The following PLAA variants were observed in gnomAD, a reference collection of about 807,000 sequenced individuals.
PLAA encodes phospholipase A2 activating protein, also known as phospholipase A-2-activating protein.
A neutral mutation model predicts 84.1 loss-of-function variants in PLAA; 48 were observed. The observed-to-expected ratio is 0.57, with a 90% confidence interval of 0.45 to 0.73. The LOEUF is 0.73. Ranked by LOEUF, PLAA falls within the 30% of genes least tolerant of loss-of-function variation. PLAA has a pLI of 0.00. For synonymous variants in PLAA, 392 were observed against 336.6 expected (o/e 1.16, Z -1.80); for missense variants, 903 against 954.7 (o/e 0.95, Z 0.71).
chr9:26,926,584 A>C, intron 4 of PLAA, 24 bp from the exon 5 acceptor site: 1 of 1,587,054 alleles, frequency 6.3e-7, no homozygotes, highest in Non-Finnish European at 8.6e-7. Context: ...CAATAATGCA[A>C]ATCAATAAAA....
In PLAA at chr9:26,904,142, C is replaced by T. The variant is rs1824160723; in HGVS notation, c.*1369G>A. Reference sequence around the variant, plus strand: ...CCTCTATTTACATTTTGCTCATTTCCTTTTGATATTCCAAAAGTTCTTACT... The same window carrying T: ...CCTCTATTTACATTTTGCTCATTTCTTTTTGATATTCCAAAAGTTCTTACT... On this transcript the variant is annotated 3_prime_UTR_variant, in exon 14 of 14. Transcript: ENST00000397292. 1 of 152,330 alleles carries T rather than the reference C, an allele frequency of 6.6e-6. No individual in the cohort carries two copies. The highest frequency in any genetic ancestry group is 6.5e-5 in the Admixed American group (1 of 15,270). The allele number at this position is 152,330 out of a possible 1,614,324, so 9.4% of individuals were successfully genotyped here.
At chr9:26,918,562 T>C (rs1221944028) in intron 9 of PLAA, among the ~76,000 whole-genome samples, 3 of 152,102 alleles carry the variant, frequency 2.0e-5, no homozygotes, top group African/African-American at 7.2e-5. Flanking sequence ...TGGATCTACA[T>C]AAGGATTTGA....
In PLAA at chr9:26,904,850, G is replaced by C. The variant is rs2131359722; in HGVS notation, c.*661C>G. 6.6e-6 allele frequency: 1 copy of C among 152,336 alleles called. No individual in the cohort carries two copies. The highest frequency in any genetic ancestry group is 1.9e-4 in the East Asian group (1 of 5,178). 9.4% of individuals were successfully genotyped at this position (152,336 alleles called of 1,614,324 possible). A position where few individuals can be genotyped will look rare whatever the true frequency, so the allele number is the denominator to read the frequency against. Reference sequence around the variant, plus strand: ...AAATAGTGAAGGGCAAAAGAAACTGGATCTAAGCCTGGAGTTAAATTGAGA... The same window carrying C: ...AAATAGTGAAGGGCAAAAGAAACTGCATCTAAGCCTGGAGTTAAATTGAGA... On this transcript the variant is annotated 3_prime_UTR_variant, in exon 14 of 14. Coordinates refer to ENST00000397292, the MANE Select transcript of PLAA (RefSeq NM_001031689.3).
chr9:26,933,266 A>G (rs548032634), intron 2 of PLAA, among the ~76,000 whole-genome samples: 3 of 112,850 alleles, frequency 2.7e-5, no homozygotes, highest in Non-Finnish European at 5.2e-5. Flanking sequence ...GACTCTGTCT[A>G]AAAAAAAAAA....
intron 13 of PLAA, 177 bp downstream of exon 13, chr9:26,907,647 AGGCATGTAAC>A (rs1824278467): frequency 1.7e-5 from 9 of 534,548 alleles, no homozygotes; most frequent in East Asian, 3.3e-5. Context: ...GATTCTCAAA[AGGCATGTAAC>A]GGAAACAAGA....
intron 1 of PLAA, among the ~76,000 whole-genome samples, chr9:26,944,245 C>T (rs1340986363): frequency 2.6e-5 from 4 of 152,092 alleles, no homozygotes; most frequent in Non-Finnish European, 2.9e-5. Context: ...CTCAAGATGC[C>T]GATACCTTGA....
At chr9:26,934,239 C>A (rs1346911702) in intron 2 of PLAA, among the ~76,000 whole-genome samples, 1 of 152,150 alleles carries the variant, frequency 6.6e-6, no homozygotes, top group Non-Finnish European at 1.5e-5. Context: ...AACTGTTAAG[C>A]CACACAGAAA....
intron 1 of PLAA, among the ~76,000 whole-genome samples, chr9:26,942,109 C>T (rs1414875318): frequency 1.3e-5 from 2 of 152,118 alleles, no homozygotes; most frequent in Non-Finnish European, 2.9e-5. Flanking sequence ...AATTATCATG[C>T]CAGTAACAAG....
chr9:26,946,809 C>A, intron 1 of PLAA, 88 bp downstream of exon 1: 1 of 1,406,304 alleles, frequency 7.1e-7, no homozygotes, highest in Non-Finnish European at 9.5e-7. Context: ...GAGAGAGAGA[C>A]GGCAGGACTG....
At chr9:26,933,039 T>C (rs541630365) in intron 2 of PLAA, among the ~76,000 whole-genome samples, 3 of 151,752 alleles carry the variant, frequency 2.0e-5, no homozygotes, top group Non-Finnish European at 2.9e-5. Context: ...GGAAGTCAAG[T>C]TGGGCAGATC....
rs1250296753 is a variant in PLAA, at chr9:26,935,220, A to AT, written c.150-15dup. On this transcript the variant is annotated splice_polypyrimidine_tract_variant and intron_variant, in intron 1 of 13. Transcript: ENST00000397292. ...CTCCTGTTTGGACTGGAAAGACAAG[A>AT]TAATTAATAGATACATATTCGTACC... The AT allele has an allele frequency of 6.6e-7, 1 of 1,512,182 alleles. No individual in the cohort carries two copies. Among genetic ancestry groups the AT allele is most frequent in the African/African-American group, 1.4e-5 (1 of 70,302 alleles). 93.7% of individuals were successfully genotyped at this position (1,512,182 alleles called of 1,614,324 possible).
intron 7 of PLAA, among the ~76,000 whole-genome samples, chr9:26,922,900 A>AGTATTAAAT (rs1237092121): frequency 7.9e-5 from 12 of 152,148 alleles, no homozygotes; most frequent in Non-Finnish European, 1.3e-4. Context: ...TCAACCAAAA[A>AGTATTAAAT]GTATTAAATG....
chr9:26,923,731 G>A (rs1474533209), intron 6 of PLAA, among the ~76,000 whole-genome samples: 1 of 152,176 alleles, frequency 6.6e-6, no homozygotes, highest in Non-Finnish European at 1.5e-5. Flanking sequence ...CTTAAAATTA[G>A]CAGATGTTCA....
intron 9 of PLAA, among the ~76,000 whole-genome samples, chr9:26,918,194 C>T (rs916466320): frequency 1.2e-4 from 18 of 152,090 alleles, no homozygotes; most frequent in African/African-American, 4.3e-4. Context: ...TCGCTGCCAC[C>T]TCTGCCTCCC....
At chr9:26,908,707 C>T (rs1018552404) in intron 12 of PLAA, among the ~76,000 whole-genome samples, 8 of 152,068 alleles carry the variant, frequency 5.3e-5, no homozygotes, top group African/African-American at 1.7e-4. Flanking sequence ...CTCCTGACCT[C>T]AAGTGACCCA....
chr9:26,912,557 A>G (rs192223127), intron 11 of PLAA, among the ~76,000 whole-genome samples: 20 of 152,300 alleles, frequency 1.3e-4, no homozygotes, highest in African/African-American at 4.8e-4. Context: ...AAGGTATATA[A>G]AGCTTCAATA....
intron 10 of PLAA, 46 bp downstream of exon 10, chr9:26,917,051 T>A: frequency 6.8e-7 from 1 of 1,470,420 alleles, no homozygotes; most frequent in Non-Finnish European, 9.5e-7. Context: ...TGCAAGATGC[T>A]ATACATTTAG....
chr9:26,945,103 G>C (rs1033518080), intron 1 of PLAA, among the ~76,000 whole-genome samples: 1 of 152,052 alleles, frequency 6.6e-6, no homozygotes, highest in Non-Finnish European at 1.5e-5. Context: ...CTCCAGCCTG[G>C]GCAACAAGAG....
intron 2 of PLAA, among the ~76,000 whole-genome samples, chr9:26,930,663 A>C (rs1587178047): frequency 6.6e-6 from 1 of 150,798 alleles, no homozygotes; most frequent in Admixed American, 6.6e-5. Flanking sequence ...GCTCACTGCA[A>C]CCTCCGCTTC....
Sources: gnomAD v4.1 joint callset for allele counts (sites outside exome capture counted in the v4.1 genomes callset) on GRCh38, gnomAD v4.1.1 for gene constraint, MANE v1.5 for transcripts, NCBI Gene and HGNC (gene_info 2026-07-23, HGNC 2026-07-21) for gene names.